The following EIF2AK1 variants were observed in gnomAD, a reference collection of about 807,000 sequenced individuals.
EIF2AK1 encodes eukaryotic translation initiation factor 2-alpha kinase 1.
In EIF2AK1, 54 loss-of-function variants were observed where a neutral mutation model predicts 77.9. The observed-to-expected ratio is 0.69, with a 90% CI of 0.56 to 0.87. The LOEUF (loss-of-function observed/expected upper bound fraction) is 0.87. Among genes scored for constraint, EIF2AK1 ranks in the 40% least tolerant of loss-of-function variants. The probability of loss-of-function intolerance (pLI) is 0.00; values close to 1 mark genes in which losing one functional copy is unlikely to be tolerated. For synonymous variants in EIF2AK1, 314 were observed against 290.5 expected (o/e 1.08, Z -0.82); for missense variants, 810 against 768.6 (o/e 1.05, Z -0.64).
intron 6 of EIF2AK1, among the ~76,000 whole-genome samples, chr7:6,045,130 CAG>C (rs1788409931): frequency 1.3e-5 from 2 of 148,406 alleles, no homozygotes; most frequent in African/African-American, 2.5e-5. Flanking sequence ...TTTTTTGAGA[CAG>C]AGTCTCACTC....
intron 1 of EIF2AK1, among the ~76,000 whole-genome samples, chr7:6,056,085 G>A (rs1788750358): frequency 1.3e-5 from 2 of 151,022 alleles, no homozygotes; most frequent in South Asian, 2.1e-4. Context: ...CTGAGGTCAG[G>A]AGCTCAGGAC....
In EIF2AK1 at chr7:6,031,403, A is replaced by C. The variant is rs767284607; in HGVS notation, c.1333-2371T>G. 3.5e-4 allele frequency: 541 copies of C among 1,550,700 alleles called. 1 individual carries two copies. The highest frequency in any genetic ancestry group is 4.6e-4 in the Non-Finnish European group (526 of 1,147,054). On this transcript the variant is annotated intron_variant, in intron 11 of 14. Coordinates refer to ENST00000199389, the MANE Select transcript of EIF2AK1 (RefSeq NM_014413.4). ...GGGGAATATAACCAGGAAAGGAAGC[A>C]GAGACCTGGTGGTTGACAGTGCCAA...
intron 13 of EIF2AK1, chr7:6,028,142 T>C (rs1787803950): frequency 3.0e-6 from 1 of 333,890 alleles, no homozygotes; most frequent in Admixed American, 4.2e-5. Context: ...CAGAGTCTAC[T>C]GAAAAGTGAG....
rs1169141340 is a variant in EIF2AK1, at chr7:6,043,005, C to A, written c.731-12G>T. On this transcript the variant is annotated splice_polypyrimidine_tract_variant and intron_variant, in intron 7 of 14. Coordinates refer to ENST00000199389, the MANE Select transcript of EIF2AK1 (RefSeq NM_014413.4). ...GGCAGCTCTGTCTGCTGAATGAAAACAAACAACAATCATCTTCAAACAGCC... is the reference window on the plus strand; with the variant it reads ...GGCAGCTCTGTCTGCTGAATGAAAAAAAACAACAATCATCTTCAAACAGCC... 1.2e-6 allele frequency: 2 copies of A among 1,613,756 alleles called. No homozygotes were observed. Among genetic ancestry groups the A allele is most frequent in the South Asian group, 2.2e-5 (2 of 91,056 alleles).
At position 6,027,815 on chromosome 7, in the gene EIF2AK1, A is replaced by T. The variant is rs911039364; in HGVS notation, c.1530+800T>A. ...GCGCAGAGGTTCATGCCTTAATCCCAGCACTTTGGGAGGCCAAGGGAGGAG... is the reference window on the plus strand; with the variant it reads ...GCGCAGAGGTTCATGCCTTAATCCCTGCACTTTGGGAGGCCAAGGGAGGAG... On this transcript the variant is annotated intron_variant, in intron 13 of 14. Transcript: ENST00000199389. The surrounding 1 kb of genome is among the most constrained non-coding windows in gnomAD (Gnocchi z 4.5). 22 of 340,990 alleles carry T rather than the reference A, an allele frequency of 6.5e-5. No homozygotes were observed. In the East Asian group the frequency reaches 1.4e-3, roughly 22 times the overall value. 21.1% of individuals were successfully genotyped at this position (340,990 alleles called of 1,614,324 possible).
rs1787504413 is a variant in EIF2AK1, at chr7:6,022,558, T to A, written c.*2115A>T. ...CATACTGGCCACATAGCGATTTGCA[T>A]CAGGTCAGATATTCTAAGTCTAGAA... is the stretch of plus-strand genomic sequence containing the variant. On this transcript the variant is annotated 3_prime_UTR_variant, in exon 15 of 15. Transcript: ENST00000199389. The A allele has an allele frequency of 6.6e-6, 1 of 152,228 alleles. No individual in the cohort carries two copies. Among genetic ancestry groups the A allele is most frequent in the Non-Finnish European group, 1.5e-5 (1 of 68,062 alleles). 9.4% of individuals were successfully genotyped at this position (152,228 alleles called of 1,614,324 possible). A position where few individuals can be genotyped will look rare whatever the true frequency, so the allele number is the denominator to read the frequency against.
intron 4 of EIF2AK1, among the ~76,000 whole-genome samples, chr7:6,047,402 T>C (rs1788477106): frequency 6.6e-6 from 1 of 152,086 alleles, no homozygotes; most frequent in African/African-American, 2.4e-5. Flanking sequence ...CAGCTGGGCA[T>C]GGTGGCTCAC....
At chr7:6,058,924 A>T in intron 1 of EIF2AK1, 42 bp downstream of exon 1, 1 of 1,469,276 alleles carries the variant, frequency 6.8e-7, no homozygotes. Context: ...ACGCAGGTGG[A>T]CAGAGAGAGC....
At chr7:6,052,052 G>A (rs1267949196) in intron 2 of EIF2AK1, among the ~76,000 whole-genome samples, 1 of 151,414 alleles carries the variant, frequency 6.6e-6, no homozygotes, top group African/African-American at 2.4e-5. Flanking sequence ...GGTGCCTGTA[G>A]TCCCAGCTAC....
intron 2 of EIF2AK1, among the ~76,000 whole-genome samples, chr7:6,052,221 C>G (rs1270006264): frequency 1.3e-5 from 2 of 148,174 alleles, no homozygotes; most frequent in African/African-American, 4.9e-5. Flanking sequence ...ATAAGGAATT[C>G]AAAATTATCT....
chr7:6,041,281 G>A (rs550334594), intron 8 of EIF2AK1, 62 bp from the exon 9 acceptor site: 3 of 1,502,786 alleles, frequency 2.0e-6, no homozygotes, highest in Admixed American at 2.1e-5. Flanking sequence ...GCTCATGCCT[G>A]TAATCCCAGC....
At chr7:6,041,824 G>C (rs1788306938) in intron 8 of EIF2AK1, among the ~76,000 whole-genome samples, 1 of 139,504 alleles carries the variant, frequency 7.2e-6, no homozygotes, top group South Asian at 2.3e-4. Context: ...CTGGCCAACA[G>C]AGTGAGACTC....
intron 11 of EIF2AK1, among the ~76,000 whole-genome samples, chr7:6,029,363 C>T (rs1218103419): frequency 1.3e-5 from 2 of 151,736 alleles, no homozygotes; most frequent in East Asian, 1.9e-4. Context: ...TGTGGTGGCA[C>T]GTGCCTGTAA....
chr7:6,032,826 T>C lies in EIF2AK1; in HGVS notation c.1333-3794A>G. On this transcript the variant is annotated intron_variant, in intron 11 of 14. Transcript: ENST00000199389. This position sits in a 1 kb window ranked among gnomAD's most constrained non-coding sequence, Gnocchi z 4.3. ...CAGGGCCACTTGTAATGTGTTTTGT[T>C]TTCCCTCCAAAGCCGACAGAGTCTA... is the stretch of plus-strand genomic sequence containing the variant. The C allele has an allele frequency of 1.3e-6, 2 of 1,548,480 alleles. No individual in the cohort carries two copies. Among genetic ancestry groups the C allele is most frequent in the Non-Finnish European group, 1.7e-6 (2 of 1,144,932 alleles).
Position 6,023,856 on chromosome 7 carries a change from T to C in EIF2AK1, c.*817A>G. The C allele has an allele frequency of 6.5e-7, 1 of 1,546,394 alleles. No individual in the cohort carries two copies. Among genetic ancestry groups the C allele is most frequent in the South Asian group, 1.2e-5 (1 of 83,332 alleles). On this transcript the variant is annotated 3_prime_UTR_variant, in exon 15 of 15. Coordinates refer to ENST00000199389, the MANE Select transcript of EIF2AK1 (RefSeq NM_014413.4). ...TTTATGGTTTTCATTTTATTTAAAA[T>C]TCAGCAAAATCATACGCCATCTACC...
Position 6,023,565 on chromosome 7 carries a change from G to T in EIF2AK1, c.*1108C>A. ...GGAATGAACTCACCGTAGCAGACGTGGTGCTGTGGTCTGTACTCCAGCAGA... is the reference window on the plus strand; with the variant it reads ...GGAATGAACTCACCGTAGCAGACGTTGTGCTGTGGTCTGTACTCCAGCAGA... On this transcript the variant is annotated 3_prime_UTR_variant, in exon 15 of 15. Transcript: ENST00000199389. The T allele has an allele frequency of 6.2e-7, 1 of 1,614,208 alleles. No individual in the cohort carries two copies. The highest frequency in any genetic ancestry group is 8.5e-7 in the Non-Finnish European group (1 of 1,180,046).
Position 6,032,943 on chromosome 7 carries a change from T to A in EIF2AK1, c.1333-3911A>T. ...GTGCTGACCCAGAAGTCAGGTAAGT[T>A]AACTCCACCGAAAATCATTTCTTTT... On this transcript the variant is annotated intron_variant, in intron 11 of 14. Coordinates refer to ENST00000199389, the MANE Select transcript of EIF2AK1 (RefSeq NM_014413.4). This position sits in a 1 kb window ranked among gnomAD's most constrained non-coding sequence, Gnocchi z 4.3. The A allele has an allele frequency of 6.5e-7, 1 of 1,546,002 alleles. No individual in the cohort carries two copies. Among genetic ancestry groups the A allele is most frequent in the South Asian group, 1.2e-5 (1 of 83,864 alleles).
At chr7:6,049,879 T>C in intron 3 of EIF2AK1, 33 bp downstream of exon 3, 2 of 1,567,132 alleles carry the variant, frequency 1.3e-6, no homozygotes, top group Admixed American at 2.0e-5. Context: ...AGTATATTTT[T>C]GTCATACCCA....
Position 6,044,494 on chromosome 7 carries a change from G to A in EIF2AK1, c.730+68C>T, listed in dbSNP as rs1480655655. The A allele has an allele frequency of 1.2e-5, 16 of 1,313,570 alleles. No individual in the cohort carries two copies. In the Admixed American group the frequency reaches 1.7e-4, roughly 14 times the overall value. 81.4% of individuals were successfully genotyped at this position (1,313,570 alleles called of 1,614,324 possible). On this transcript the variant is annotated intron_variant, in intron 7 of 14. Coordinates refer to ENST00000199389, the MANE Select transcript of EIF2AK1 (RefSeq NM_014413.4). The stretch of plus-strand genomic sequence containing the variant: ...TGTGGTATGTACAAAAACAAAGGCA[G>A]GCCAGATTTGGTGCACGGGCTAAAG...
Sources: allele counts gnomAD v4.1 joint callset (sites outside exome capture counted in the v4.1 genomes callset), GRCh38; gene constraint gnomAD v4.1.1; non-coding constraint Gnocchi (gnomAD v3.1); transcripts MANE v1.5; gene names NCBI Gene and HGNC (gene_info 2026-07-23, HGNC 2026-07-21).